STARD9: variants seen among roughly 807,000 people sequenced by gnomAD.
STARD9 encodes StAR related lipid transfer domain containing 9.
Under a neutral mutation model 399.8 loss-of-function variants are expected in STARD9, and 346 were observed. The observed-to-expected ratio is 0.87, with a 90% confidence interval of 0.79 to 0.95. The LOEUF is 0.95. Among genes scored for constraint, STARD9 ranks in the 40% least tolerant of loss-of-function variants. The probability of loss-of-function intolerance (pLI) is 0.00; values close to 1 mark genes in which losing one functional copy is unlikely to be tolerated. For missense variants in STARD9, 5,832 were observed against 5,667.5 expected (o/e 1.03, Z -0.93); for synonymous variants, 2,203 against 2,143.5 (o/e 1.03, Z -0.77).
intron 7 of STARD9, among the ~76,000 whole-genome samples, chr15:42,648,231 C>T (rs577549839): frequency 3.3e-5 from 5 of 152,246 alleles, no homozygotes; most frequent in Non-Finnish European, 5.9e-5. Context: ...GGCGCGATCT[C>T]GGCTCACTGC....
At chr15:42,648,826 G>A (rs923866266) in intron 7 of STARD9, among the ~76,000 whole-genome samples, 2 of 151,108 alleles carry the variant, frequency 1.3e-5, no homozygotes, top group Admixed American at 6.6e-5. Flanking sequence ...CTCTTCTTTT[G>A]GGACTCTAAT....
Position 42,686,653 on chromosome 15 carries a change from A to AC in STARD9, c.5078dup (p.Leu1694ThrfsTer13). 1 of 1,537,596 alleles carries AC rather than the reference A, an allele frequency of 6.5e-7. No homozygotes were observed. The highest frequency in any genetic ancestry group is 8.7e-7 in the Non-Finnish European group (1 of 1,146,990). Reference sequence around the variant, plus strand: ...GGGCAATTAAGTCCCGACAGCCACTACCCACTAGAGGAAGAGAAGACAGAT... The same window carrying AC: ...GGGCAATTAAGTCCCGACAGCCACTACCCCACTAGAGGAAGAGAAGACAGAT... On this transcript the variant is annotated frameshift_variant, in exon 23 of 33. Coordinates refer to ENST00000290607, the MANE Select transcript of STARD9 (RefSeq NM_020759.3). LOFTEE classifies it high-confidence loss of function.
intron 3 of STARD9, among the ~76,000 whole-genome samples, chr15:42,606,609 C>T (rs1283380651): frequency 1.3e-5 from 2 of 151,636 alleles, no homozygotes; most frequent in Admixed American, 6.6e-5. Flanking sequence ...GTGCGCACCA[C>T]CACACCCAGC....
At chr15:42,665,654 CTCCTGATTTCTTATTTTAA>C in intron 14 of STARD9, 113 bp from the exon 15 acceptor site, 1 of 754,682 alleles carries the variant, frequency 1.3e-6, no homozygotes, top group African/African-American at 1.8e-5. Context: ...AATACTTAGG[CTCCTGATTTCTTATTTTAA>C]TAATAAAGTT....
intron 7 of STARD9, among the ~76,000 whole-genome samples, chr15:42,650,035 T>C (rs1223123973): frequency 6.6e-6 from 1 of 151,556 alleles, no homozygotes; most frequent in Non-Finnish European, 1.5e-5. Flanking sequence ...CCCAGCTAAT[T>C]TTGCATTTTT....
chr15:42,577,861 A>G (rs1417267594), intron 1 of STARD9, among the ~76,000 whole-genome samples: 2 of 152,216 alleles, frequency 1.3e-5, no homozygotes, highest in African/African-American at 2.4e-5. Flanking sequence ...CAAATAAGTC[A>G]TTGGCACACA....
At chr15:42,716,478 G>T (rs1038093170) in intron 26 of STARD9, among the ~76,000 whole-genome samples, 199 bp from the exon 27 acceptor site, 1 of 152,174 alleles carries the variant, frequency 6.6e-6, no homozygotes, top group East Asian at 1.9e-4. Flanking sequence ...GTGGCTTAGA[G>T]GGGGAGCAGA....
At chr15:42,656,736 A>C (rs1198375303) in intron 9 of STARD9, among the ~76,000 whole-genome samples, 1 of 152,216 alleles carries the variant, frequency 6.6e-6, no homozygotes, top group Non-Finnish European at 1.5e-5. Context: ...GGAAAACCAA[A>C]CGTATCTTCT....
In STARD9 at chr15:42,656,327, TAAAAAAAAAAAAAAAAAAAAAAAAAAAAA is replaced by T. The variant is rs869264641; in HGVS notation, c.702+3747_702+3775del. 1.1e-4 allele frequency among the ~76,000 whole-genome samples: 4 copies of T among 35,316 alleles called. No individual in the cohort carries two copies. The Admixed American group carries it at 2.0e-3, about 17-fold the overall frequency. 23.2% of individuals were successfully genotyped at this position (35,316 alleles called of 152,430 possible). On this transcript the variant is annotated intron_variant, in intron 9 of 32. Transcript: ENST00000290607. ...ATGCCACTGCACTCCAGCCATCTCC[TAAAAAAAAAAAAAAAAAAAAAAAAAAAAA>T]AAAAAAAAAAAGATGTTGCCGTGGA...
chr15:42,650,514 A>C (rs1221001724), intron 7 of STARD9, among the ~76,000 whole-genome samples: 2 of 152,136 alleles, frequency 1.3e-5, no homozygotes, highest in African/African-American at 4.8e-5. Context: ...TGATCTCCTC[A>C]TCATGTATCA....
Position 42,625,818 on chromosome 15 carries a change from C to T in STARD9, c.235-9038C>T, listed in dbSNP as rs1027143310. On this transcript the variant is annotated intron_variant, in intron 3 of 32. Coordinates refer to ENST00000290607, the MANE Select transcript of STARD9 (RefSeq NM_020759.3). ...ATGTATTTTGTTGAATAACTAACCTCTCTCTCAGTGGAATGATTTTCGTAT... is the reference window on the plus strand; with the variant it reads ...ATGTATTTTGTTGAATAACTAACCTTTCTCTCAGTGGAATGATTTTCGTAT... Among the ~76,000 whole-genome samples, 69 of 151,942 alleles carry T rather than the reference C, an allele frequency of 4.5e-4. 2 individuals are homozygous for T. Among genetic ancestry groups the T allele is most frequent in the Admixed American group, 6.6e-5 (1 of 15,244 alleles).
chr15:42,600,976 A>G (rs1317060596), intron 3 of STARD9, among the ~76,000 whole-genome samples: 2 of 151,518 alleles, frequency 1.3e-5, no homozygotes, highest in African/African-American at 4.9e-5. Context: ...AAACATGTGA[A>G]CAGAGGTCTC....
At chr15:42,705,793 C>T (rs951559337) in intron 26 of STARD9, among the ~76,000 whole-genome samples, 4 of 151,896 alleles carry the variant, frequency 2.6e-5, no homozygotes, top group African/African-American at 4.8e-5. Context: ...CACTCTCTCA[C>T]TCGGGCTGGA....
At position 42,718,080 on chromosome 15, in the gene STARD9, G is replaced by A; in HGVS notation, c.13663G>A (p.Val4555Met). 1.3e-6 allele frequency: 2 copies of A among 1,537,264 alleles called. No individual in the cohort carries two copies. Among genetic ancestry groups the A allele is most frequent in the Non-Finnish European group, 1.7e-6 (2 of 1,146,918 alleles). Residue 4555 changes from valine to methionine, a missense_variant, in exon 30 of 33, where the codon GTG (valine) becomes ATG (methionine). This residue lies in a region of STARD9 where 5,828 missense variants were observed against 5,651.1 expected (regional missense o/e 1.03). Transcript: ENST00000290607. ...AGVVSQPLSR[V>M]WAAVSDPTVW... Reference sequence around the variant, plus strand: ...TGTGGTGTCCCAGCCGCTGTCTCGTGTGTGGGCGGCTGTCAGTGACCCCAC... The same window carrying A: ...TGTGGTGTCCCAGCCGCTGTCTCGTATGTGGGCGGCTGTCAGTGACCCCAC...
Position 42,718,986 on chromosome 15 carries a change from G to C in STARD9, c.14001+76G>C, listed in dbSNP as rs139009450. 1,338 of 1,371,280 alleles carry C rather than the reference G, an allele frequency of 9.8e-4. 14 individuals carry two copies. In the African/African-American group the frequency reaches 0.017, roughly 18 times the overall value. 84.9% of individuals were successfully genotyped at this position (1,371,280 alleles called of 1,614,324 possible). The stretch of plus-strand genomic sequence containing the variant: ...CAGCCCCCTGGGATTTTTCTGTCTC[G>C]CTTTTGAACACCCTCCAGTGCCCAG... On this transcript the variant is annotated intron_variant, in intron 32 of 32. Coordinates refer to ENST00000290607, the MANE Select transcript of STARD9 (RefSeq NM_020759.3).
At chr15:42,595,807 T>A (rs748249971) in intron 3 of STARD9, among the ~76,000 whole-genome samples, 44 of 152,232 alleles carry the variant, frequency 2.9e-4, no homozygotes, top group South Asian at 6.2e-4. Context: ...GATGGGGCTC[T>A]GCAGAGCTGA....
At chr15:42,659,243 A>G (rs1335174939) in intron 9 of STARD9, among the ~76,000 whole-genome samples, 4 of 152,254 alleles carry the variant, frequency 2.6e-5, no homozygotes, top group African/African-American at 9.6e-5. Flanking sequence ...CACCGTAAGA[A>G]AACAACTCAA....
In STARD9 at chr15:42,718,145, G is replaced by A. The variant is rs1276265014; in HGVS notation, c.13728G>A (p.Arg4576=). 19 of 1,537,004 alleles carry A rather than the reference G, an allele frequency of 1.2e-5. No individual in the cohort carries two copies. The highest frequency in any genetic ancestry group is 2.7e-5 in the African/African-American group (2 of 73,022). ...ATTACAAGCCCATCCAGACAGCAAG[G>A]CTGCATCAGCGAGTGACCAACAGCA... ...PLYYKPIQTA[R]LHQRVTNSIS... The change falls in exon 30 of 33, where the codon AGG becomes AGA. Residue 4576 remains arginine, a synonymous_variant. Transcript: ENST00000290607.
chr15:42,626,368 C>CTTCCTCTTCCTCTTT (rs1381778682), intron 3 of STARD9, among the ~76,000 whole-genome samples: 1 of 150,106 alleles, frequency 6.7e-6, no homozygotes. Context: ...TCTTCCTCTT[C>CTTCCTCTTCCTCTTT]TTCCTCCTCT....
Sources: allele counts gnomAD v4.1 joint callset (sites outside exome capture counted in the v4.1 genomes callset), GRCh38; gene constraint gnomAD v4.1.1; regional missense constraint gnomAD v4.1.1; transcripts MANE v1.5; gene names NCBI Gene and HGNC (gene_info 2026-07-23, HGNC 2026-07-21).